The following GLI1 variants were observed in gnomAD, a reference collection of about 807,000 sequenced individuals.
The protein encoded by GLI1 is transcription activator GLI1.
Under a neutral mutation model 87.8 loss-of-function variants are expected in GLI1, and 51 were observed. That is an observed-to-expected ratio of 0.58 (90% CI 0.46 to 0.73). The LOEUF is 0.73. Among genes scored for constraint, GLI1 ranks in the 30% least tolerant of loss-of-function variants. The pLI is 0.00. For synonymous variants in GLI1, 528 were observed against 558.2 expected (o/e 0.95, Z 0.76); for missense variants, 1,292 against 1,437.2 (o/e 0.90, Z 1.63).
chr12:57,470,894 G>T lies in GLI1; in HGVS notation c.2154G>T (p.Leu718=). ...GGACCTCCATGGTGGGCAGTGGTCTGAACCCCTATATGGACTTCCCACCTA... is the reference window on the plus strand; with the variant it reads ...GGACCTCCATGGTGGGCAGTGGTCTTAACCCCTATATGGACTTCCCACCTA... ...EVGTSMVGSG[L]NPYMDFPPTD... Residue 718 remains leucine, a synonymous_variant, in exon 12 of 12, where the codon CTG becomes CTT. Coordinates refer to ENST00000228682, the MANE Select transcript of GLI1 (RefSeq NM_005269.3). 6.2e-7 allele frequency: 1 copy of T among 1,613,344 alleles called. No individual in the cohort carries two copies. Among genetic ancestry groups the T allele is most frequent in the Non-Finnish European group, 8.5e-7 (1 of 1,179,588 alleles).
Position 57,464,799 on chromosome 12 carries a change from T to C in GLI1, c.320T>C (p.Val107Ala). The C allele has an allele frequency of 6.2e-7, 1 of 1,614,080 alleles. No homozygotes were observed. Among genetic ancestry groups the C allele is most frequent in the Non-Finnish European group, 8.5e-7 (1 of 1,179,956 alleles). ...TVIRTSPSSL[V>A]AFINSRCTSP... The stretch of plus-strand genomic sequence containing the variant: ...ATCCGCACCTCACCCAGCTCCCTCG[T>C]AGCTTTCATCAACTCGCGATGCACA... The change falls in exon 4 of 12, where the codon GTA (valine) becomes GCA (alanine). Residue 107 changes from valine to alanine, a missense_variant. This residue lies in a region of GLI1 where 383 missense variants were observed against 368.4 expected (regional missense o/e 1.04). Transcript: ENST00000228682.
At chr12:57,465,385 G>A (rs1222272378) in intron 5 of GLI1, 130 bp downstream of exon 5, 5 of 876,124 alleles carry the variant, frequency 5.7e-6, no homozygotes, top group Non-Finnish European at 8.8e-6. Context: ...AGAGGTGTGG[G>A]TGCTGGGGTT....
Position 57,471,858 on chromosome 12 carries a change from CTT to C in GLI1, c.3119_3120del (p.Leu1040ArgfsTer3), listed in dbSNP as rs1397593307. ...ACAGGTATGTAACCCCCTGGACTCT[CTT>C]GATCTTGACAACACTCAGCTGGACT... ...EGQVCNPLDS[L>X]DLDNTQLDFV... On this transcript the variant is annotated frameshift_variant, in exon 12 of 12. Transcript: ENST00000228682. LOFTEE classifies it high-confidence loss of function. The surrounding 1 kb of genome is among the most constrained non-coding windows in gnomAD (Gnocchi z 4.9). 1 of 1,589,266 alleles carries C rather than the reference CTT, an allele frequency of 6.3e-7. No individual in the cohort carries two copies. Among genetic ancestry groups the C allele is most frequent in the Admixed American group, 1.8e-5 (1 of 55,944 alleles).
Position 57,471,981 on chromosome 12 carries a change from C to T in GLI1, c.3241C>T (p.Pro1081Ser). 2 of 1,585,672 alleles carry T rather than the reference C, an allele frequency of 1.3e-6. No homozygotes were observed. The highest frequency in any genetic ancestry group is 1.7e-6 in the Non-Finnish European group (2 of 1,167,844). ...ACATACCCCACCTCCCTCTGGGCCC[C>T]CCAACATGGCTGTGGGCAACATGAG... ...SGHTPPPSGP[P>S]NMAVGNMSVL... Residue 1081 changes from proline to serine, a missense_variant, in exon 12 of 12, where the codon CCC becomes TCC. Pro to Ser is a moderately conservative substitution (Grantham distance 74). Around this residue, in one of 3 missense-constraint regions of GLI1, gnomAD observed 897 missense variants for 1,040.7 expected, o/e 0.86. Coordinates refer to ENST00000228682, the MANE Select transcript of GLI1 (RefSeq NM_005269.3). This position sits in a 1 kb window ranked among gnomAD's most constrained non-coding sequence, Gnocchi z 4.9.
rs749512706 is a variant in GLI1 at position 57,472,106 on chromosome 12, T to G, written c.*45T>G. 6.5e-5 allele frequency: 87 copies of G among 1,345,352 alleles called. 1 individual carries two copies. In the Middle Eastern group the frequency reaches 1.0e-3, roughly 16 times the overall value. The allele number at this position is 1,345,352 out of a possible 1,614,324, so 83.3% of individuals were successfully genotyped here. A position where few individuals can be genotyped will look rare whatever the true frequency, so the allele number is the denominator to read the frequency against. Reference sequence around the variant, plus strand: ...ATCACAGATCGCATTTCCTAAGGGGTTTCTATCCTTCCAGAAAAATTGGGG... The same window carrying G: ...ATCACAGATCGCATTTCCTAAGGGGGTTCTATCCTTCCAGAAAAATTGGGG... On this transcript the variant is annotated 3_prime_UTR_variant, in exon 12 of 12. Coordinates refer to ENST00000228682, the MANE Select transcript of GLI1 (RefSeq NM_005269.3).
Position 57,472,204 on chromosome 12 carries a change from C to T in GLI1, c.*143C>T, listed in dbSNP as rs1377946102. 1.6e-5 allele frequency: 10 copies of T among 629,344 alleles called. No individual in the cohort carries two copies. The highest frequency in any genetic ancestry group is 2.4e-5 in the Non-Finnish European group (9 of 379,084). The allele number at this position is 629,344 out of a possible 1,614,324, so 39.0% of individuals were successfully genotyped here. On this transcript the variant is annotated 3_prime_UTR_variant, in exon 12 of 12. Transcript: ENST00000228682. The stretch of plus-strand genomic sequence containing the variant: ...CTGGGGGCTATGTATAGTCTGTATA[C>T]GTTTTGAGGAGAAATTTGATAATGA...
In GLI1 at chr12:57,465,027, A is replaced by G. The variant is rs1282172108; in HGVS notation, c.390-84A>G. The G allele has an allele frequency of 2.0e-5, 29 of 1,447,876 alleles. No homozygotes were observed. In the East Asian group the frequency reaches 6.6e-4, roughly 33 times the overall value. The allele number at this position is 1,447,876 out of a possible 1,614,324, so 89.7% of individuals were successfully genotyped here. A position where few individuals can be genotyped will look rare whatever the true frequency, so the allele number is the denominator to read the frequency against. On this transcript the variant is annotated intron_variant, in intron 4 of 11. Transcript: ENST00000228682. ...GACTGCCTCAACCACTACAAATCCC[A>G]AGTCTTCCAGAAATCCTCCAAATAG...
rs1871887320 is a variant in GLI1, at chr12:57,471,103, G to A, written c.2363G>A (p.Gly788Glu). 1 of 1,613,422 alleles carries A rather than the reference G, an allele frequency of 6.2e-7. No homozygotes were observed. Among genetic ancestry groups the A allele is most frequent in the African/African-American group, 1.3e-5 (1 of 74,868 alleles). Reference protein sequence around the residue: ...ETWGEFPSHSGLYPGPKALGG... With the variant: ...ETWGEFPSHSELYPGPKALGG... ...TGGGGTGAGTTCCCTTCCCACTCTG[G>A]GCTGTACCCAGGCCCCAAGGCTCTA... The change falls in exon 12 of 12, where the codon GGG (glycine) becomes GAG (glutamate). Residue 788 changes from glycine to glutamate, a missense_variant. By Grantham distance (98) the Gly-to-Glu change is moderately conservative (BLOSUM62 -2). Transcript: ENST00000228682. This position sits in a 1 kb window ranked among gnomAD's most constrained non-coding sequence, Gnocchi z 4.9.
chr12:57,465,707 G>T lies in GLI1; in HGVS notation c.624+11G>T, dbSNP rs1307256269. Reference sequence around the variant, plus strand: ...TCCACAGGCATACAGGTAAGGGGATGGGCAGGAGCTTTACCTCTGGGACCT... The same window carrying T: ...TCCACAGGCATACAGGTAAGGGGATTGGCAGGAGCTTTACCTCTGGGACCT... On this transcript the variant is annotated intron_variant, in intron 6 of 11. Coordinates refer to ENST00000228682, the MANE Select transcript of GLI1 (RefSeq NM_005269.3). 2 of 1,613,382 alleles carry T rather than the reference G, an allele frequency of 1.2e-6. No individual in the cohort carries two copies. Among genetic ancestry groups the T allele is most frequent in the South Asian group, 1.1e-5 (1 of 91,060 alleles).
Position 57,467,415 on chromosome 12 carries a change from T to C in GLI1, c.995T>C (p.Met332Thr). Residue 332 changes from methionine (M) to threonine (T), a missense_variant, in exon 9 of 12, where the codon ATG (methionine) becomes ACG (threonine). Around this residue, in one of 3 missense-constraint regions of GLI1, gnomAD observed 897 missense variants for 1,040.7 expected, o/e 0.86. Coordinates refer to ENST00000228682, the MANE Select transcript of GLI1 (RefSeq NM_005269.3). Reference sequence around the variant, plus strand: ...TCACACACGGGTGAGAAGCCATACATGTGTGAGCACGAGGGCTGCAGTAAA... The same window carrying C: ...TCACACACGGGTGAGAAGCCATACACGTGTGAGCACGAGGGCTGCAGTAAA... ...LRSHTGEKPY[M>T]CEHEGCSKAF... is the part of the protein sequence containing the mutation. 1 of 1,613,286 alleles carries C rather than the reference T, an allele frequency of 6.2e-7. No homozygotes were observed. The highest frequency in any genetic ancestry group is 8.5e-7 in the Non-Finnish European group (1 of 1,179,290).
At chr12:57,470,248 C>A in intron 11 of GLI1, 69 bp from the exon 12 acceptor site, 2 of 1,211,556 alleles carry the variant, frequency 1.7e-6, no homozygotes, top group East Asian at 2.4e-5. Context: ...AAGGCTGTTG[C>A]ATGGAGGAGG....
rs533875222 is a variant in GLI1 at position 57,469,611 on chromosome 12, C to T, written c.1489C>T (p.Arg497Cys). Residue 497 changes from arginine (R) to cysteine (C), a missense_variant, in exon 11 of 12, where the codon CGC becomes TGC. Transcript: ENST00000228682. ...TGGCACTGGTCTGTCCACTCTTCGC[C>T]GCCTTGAGAACCTCAGGCTGGACCA... ...IAGTGLSTLRRLENLRLDQLH... is the reference protein window; with the variant it reads ...IAGTGLSTLRCLENLRLDQLH... The T allele has an allele frequency of 2.6e-5, 42 of 1,614,100 alleles. No individual in the cohort carries two copies. Among genetic ancestry groups the T allele is most frequent in the East Asian group, 4.5e-5 (2 of 44,878 alleles).
Position 57,464,817 on chromosome 12 carries a change from G to A in GLI1, c.338G>A (p.Arg113Gln), listed in dbSNP as rs756282060. The change falls in exon 4 of 12, where the codon CGA (arginine) becomes CAA (glutamine). Residue 113 changes from arginine to glutamine, a missense_variant. Coordinates refer to ENST00000228682, the MANE Select transcript of GLI1 (RefSeq NM_005269.3). ...TCCCTCGTAGCTTTCATCAACTCGCGATGCACATCTCCAGGAGGCTCCTAC... is the reference window on the plus strand; with the variant it reads ...TCCCTCGTAGCTTTCATCAACTCGCAATGCACATCTCCAGGAGGCTCCTAC... ...PSSLVAFINS[R>Q]CTSPGGSYGH... 29 of 1,613,886 alleles carry A rather than the reference G, an allele frequency of 1.8e-5. No individual in the cohort carries two copies. The highest frequency in any genetic ancestry group is 1.1e-4 in the East Asian group (5 of 44,884).
intron 8 of GLI1, 126 bp from the exon 9 acceptor site, chr12:57,467,207 C>T (rs570813374): frequency 6.3e-5 from 47 of 751,372 alleles, no homozygotes; most frequent in East Asian, 3.9e-4. Flanking sequence ...GGAATTCTCT[C>T]GAAGCCCCAG....
Position 57,468,170 on chromosome 12 carries a change from G to A in GLI1, c.1254G>A (p.Arg418=). The A allele has an allele frequency of 6.2e-7, 1 of 1,614,174 alleles. No individual in the cohort carries two copies. Among genetic ancestry groups the A allele is most frequent in the South Asian group, 1.1e-5 (1 of 91,082 alleles). ...CTACAGTGGAGCCCAAGAGGGAGCG[G>A]GAAGGAGGTCCCATCAGGGAGGAAA... ...SISTVEPKRE[R]EGGPIREESR... is the part of the protein sequence containing the mutation. Residue 418 remains arginine, a synonymous_variant, in exon 10 of 12, where the codon CGG becomes CGA. Coordinates refer to ENST00000228682, the MANE Select transcript of GLI1 (RefSeq NM_005269.3).
chr12:57,469,282 G>A lies in GLI1; in HGVS notation c.1309-149G>A, dbSNP rs577441156. The stretch of plus-strand genomic sequence containing the variant: ...TCATCAAACGTCTCACATTCAGTTT[G>A]CTCCCCCATCTCTTACCTGCTTAGC... On this transcript the variant is annotated intron_variant, in intron 10 of 11. Transcript: ENST00000228682. 5.8e-6 allele frequency: 4 copies of A among 684,384 alleles called. No homozygotes were observed. The East Asian group carries it at 1.1e-4, about 19-fold the overall frequency. 42.4% of individuals were successfully genotyped at this position (684,384 alleles called of 1,614,324 possible).
At chr12:57,469,814 G>T in intron 11 of GLI1, 116 bp downstream of exon 11, 1 of 896,180 alleles carries the variant, frequency 1.1e-6, no homozygotes, top group Non-Finnish European at 1.7e-6. Flanking sequence ...ATTAGAAAAT[G>T]GTGTCCTTCC....
chr12:57,463,439 A>C (rs1202391438), intron 1 of GLI1, among the ~76,000 whole-genome samples: 2 of 152,084 alleles, frequency 1.3e-5, no homozygotes, highest in Non-Finnish European at 2.9e-5. Context: ...GCTGGTCTTC[A>C]ACTGACCTCA....
Position 57,469,431 on chromosome 12 carries a change from A to C in GLI1, c.1309A>C (p.Lys437Gln), listed in dbSNP as rs1820525804. 6.8e-6 allele frequency: 11 copies of C among 1,613,398 alleles called. No homozygotes were observed. The highest frequency in any genetic ancestry group is 9.3e-6 in the Non-Finnish European group (11 of 1,179,866). The change falls in exon 11 of 12, where the codon AAG becomes CAG. Residue 437 changes from lysine (K) to glutamine (Q), a missense_variant and splice_region_variant. By Grantham distance (53) the Lys-to-Gln change is moderately conservative. Transcript: ENST00000228682. ...CCCTCAGACCTCATCTTCTCCACAG[A>C]AGCCACAGCCAAGCCCTGGGGCCCA... ...SRLTVPEGAM[K>Q]PQPSPGAQSS...
Sources: allele counts gnomAD v4.1 joint callset (sites outside exome capture counted in the v4.1 genomes callset), GRCh38; gene constraint gnomAD v4.1.1; regional missense constraint gnomAD v4.1.1; non-coding constraint Gnocchi (gnomAD v3.1); transcripts MANE v1.5; gene names NCBI Gene and HGNC (gene_info 2026-07-23, HGNC 2026-07-21).